Variants in DOCK2 observed in about 807,000 individuals in gnomAD.
DOCK2 encodes dedicator of cytokinesis 2, also known as dedicator of cytokinesis protein 2.
In DOCK2, 87 loss-of-function variants were observed where a neutral mutation model predicts 248.9. That is an observed-to-expected ratio of 0.35 (90% CI 0.29 to 0.42). The LOEUF is 0.42. DOCK2 is among the 10% of genes least tolerant of loss of function. The pLI, the probability that DOCK2 is intolerant of heterozygous loss-of-function variation, is 1.00. For synonymous variants in DOCK2, 805 were observed against 821.6 expected, an observed-to-expected ratio of 0.98 and a Z score of 0.35; for missense variants, 1,747 against 2,300.2, an observed-to-expected ratio of 0.76 and a Z score of 4.92.
chr5:169,750,355 C>T (rs35787483), intron 23 of DOCK2, among the ~76,000 whole-genome samples: 51,962 of 152,086 alleles, frequency 0.34, 10,573 homozygotes, highest in East Asian at 0.6. Flanking sequence ...GAGCATTTGC[C>T]GCTCTCAAGA....
intron 22 of DOCK2, among the ~76,000 whole-genome samples, chr5:169,729,359 A>G (rs1762646770): frequency 6.6e-6 from 1 of 152,160 alleles, no homozygotes; most frequent in South Asian, 2.1e-4. Flanking sequence ...TATATTGCTC[A>G]CTCATTGGGC....
intron 26 of DOCK2, among the ~76,000 whole-genome samples, chr5:169,807,833 CAAAA>C (rs61670398): frequency 3.3e-4 from 8 of 24,226 alleles, no homozygotes; most frequent in Non-Finnish European, 7.0e-4. Context: ...GACTCTGTCT[CAAAA>C]AAAAAAAAAA....
chr5:170,075,701 G>T, intron 46 of DOCK2: 1 of 442,810 alleles, frequency 2.3e-6, no homozygotes, highest in Non-Finnish European at 4.1e-6. Flanking sequence ...GGGGAAGAGG[G>T]GAGTCCAGCC....
At chr5:169,881,982 T>C (rs1190893255) in intron 27 of DOCK2, among the ~76,000 whole-genome samples, 1 of 152,182 alleles carries the variant, frequency 6.6e-6, no homozygotes, top group Non-Finnish European at 1.5e-5. Context: ...GGAAAGCATT[T>C]TGTGACTTTT....
chr5:170,019,211 C>G, intron 33 of DOCK2, 103 bp downstream of exon 33: 2 of 1,553,186 alleles, frequency 1.3e-6, no homozygotes, highest in Non-Finnish European at 1.8e-6. Context: ...TTGAGAGGCT[C>G]GGCGGCAGGA....
At chr5:169,984,870 A>C (rs1381132526) in intron 28 of DOCK2, among the ~76,000 whole-genome samples, 1 of 152,178 alleles carries the variant, frequency 6.6e-6, no homozygotes, top group African/African-American at 2.4e-5. Context: ...CCTCCAGCTC[A>C]AAAGGGTCTC....
chr5:169,949,358 C>T (rs557401675), intron 27 of DOCK2, among the ~76,000 whole-genome samples: 49 of 152,190 alleles, frequency 3.2e-4, no homozygotes, highest in Non-Finnish European at 5.7e-4. Flanking sequence ...CATGGAGGCC[C>T]ATGAGAGGAG....
At chr5:169,747,611 T>G in intron 23 of DOCK2, 107 bp downstream of exon 23, 1 of 989,190 alleles carries the variant, frequency 1.0e-6, no homozygotes, top group Non-Finnish European at 1.5e-6. Context: ...TTGTATCCAG[T>G]GAAGGCCTGG....
intron 27 of DOCK2, among the ~76,000 whole-genome samples, chr5:169,964,511 C>T (rs986296239): frequency 1.8e-4 from 28 of 152,206 alleles, no homozygotes; most frequent in African/African-American, 6.8e-4. Flanking sequence ...GGCCCTGTGG[C>T]CAGCTCTTCT....
chr5:170,007,599 G>A (rs1008186613), intron 30 of DOCK2, among the ~76,000 whole-genome samples: 1 of 152,162 alleles, frequency 6.6e-6, no homozygotes, highest in Non-Finnish European at 1.5e-5. Flanking sequence ...GTAGATCCAT[G>A]GTTTGGACCT....
chr5:169,943,024 G>A (rs985233352), intron 27 of DOCK2, among the ~76,000 whole-genome samples: 6 of 152,190 alleles, frequency 3.9e-5, no homozygotes, highest in Admixed American at 6.5e-5. Flanking sequence ...TAAAAAAGAG[G>A]AATAAGTATA....
chr5:169,984,206 A>G (rs560075046), intron 28 of DOCK2, among the ~76,000 whole-genome samples: 24 of 152,154 alleles, frequency 1.6e-4, no homozygotes, highest in Non-Finnish European at 2.8e-4. Context: ...AGGTCTGGAC[A>G]TTGACTGTAA....
At chr5:169,696,288 C>T (rs1760621712) in intron 10 of DOCK2, among the ~76,000 whole-genome samples, 1 of 152,162 alleles carries the variant, frequency 6.6e-6, no homozygotes, top group Admixed American at 6.5e-5. Flanking sequence ...AAAAGTACAT[C>T]TAGGACAGGA....
intron 32 of DOCK2, among the ~76,000 whole-genome samples, chr5:170,009,340 A>G (rs151013864): frequency 6.6e-6 from 1 of 152,154 alleles, no homozygotes; most frequent in East Asian, 1.9e-4. Flanking sequence ...TCTTCACATC[A>G]CTTCCTGTAA....
At chr5:169,988,317 A>G (rs572949348) in intron 29 of DOCK2, among the ~76,000 whole-genome samples, 1 of 152,292 alleles carries the variant, frequency 6.6e-6, no homozygotes, top group African/African-American at 2.4e-5. Flanking sequence ...AAGGCTTTAC[A>G]TGAAATTAGT....
intron 34 of DOCK2, among the ~76,000 whole-genome samples, chr5:170,032,724 C>T (rs577193744): frequency 2.6e-5 from 4 of 152,280 alleles, no homozygotes; most frequent in South Asian, 4.1e-4. Context: ...ACAGGTGCTT[C>T]TCCCAGAGTG....
intron 9 of DOCK2, among the ~76,000 whole-genome samples, chr5:169,691,344 G>T (rs574912009): frequency 6.6e-6 from 1 of 152,242 alleles, no homozygotes; most frequent in African/African-American, 2.4e-5. Flanking sequence ...ATGAGATTTG[G>T]GTGGGGACAG....
At chr5:169,805,299 G>T (rs1160372921) in intron 26 of DOCK2, among the ~76,000 whole-genome samples, 1 of 151,898 alleles carries the variant, frequency 6.6e-6, no homozygotes, top group Non-Finnish European at 1.5e-5. Context: ...CTGCTTGAGA[G>T]GCTGAGGTGA....
intron 27 of DOCK2, among the ~76,000 whole-genome samples, chr5:169,972,574 TAG>T (rs1561859669): frequency 1.5e-5 from 1 of 66,150 alleles, no homozygotes; most frequent in Non-Finnish European, 3.9e-5. Context: ...GATAGATAGA[TAG>T]ATAGATAGAT....
Sources: allele counts gnomAD v4.1 joint callset (sites outside exome capture counted in the v4.1 genomes callset), GRCh38; gene constraint gnomAD v4.1.1; transcripts MANE v1.5; gene names NCBI Gene and HGNC (gene_info 2026-07-23, HGNC 2026-07-21).